Variants in CRB2 observed in about 807,000 individuals in gnomAD.
The protein encoded by CRB2 is protein crumbs homolog 2.
CRB2 carries 85 observed loss-of-function variants against 110.9 expected under a neutral mutation model. The ratio of observed to expected loss-of-function variants is 0.77; its 90% CI spans 0.64 to 0.92. The LOEUF is 0.92. CRB2 is among the 40% of genes least tolerant of loss of function. CRB2 has a pLI of 0.00. For missense variants in CRB2, 1,843 were observed against 1,851.3 expected (o/e 1.00, Z 0.08); for synonymous variants, 907 against 831.0 (o/e 1.09, Z -1.57).
At chr9:123,378,953 A>C (rs2042156261), downstream of CRB2, among the ~76,000 whole-genome samples, 2 of 151,418 alleles carry the variant, frequency 1.3e-5, no homozygotes, top group African/African-American at 4.9e-5. Flanking sequence ...AGCTGGGATT[A>C]CAGGTGCCTG....
At position 123,371,275 on chromosome 9, in the gene CRB2, C is replaced by A; in HGVS notation, c.2133C>A (p.Gly711=). The A allele has an allele frequency of 6.2e-7, 1 of 1,613,848 alleles. No individual in the cohort carries two copies. Among genetic ancestry groups the A allele is most frequent in the Non-Finnish European group, 8.5e-7 (1 of 1,179,964 alleles). Residue 711 remains glycine, a synonymous_variant, in exon 8 of 13, where the codon GGC becomes GGA. Coordinates refer to ENST00000373631, the MANE Select transcript of CRB2 (RefSeq NM_173689.7). ...GTCGGATCCGGGCTGAGGTGCCGGG[C>A]AGTCCTGCTGTAGTGCTCCCTGGGC... ...SEGRIRAEVP[G]SPAVVLPGRW...
At chr9:123,362,784 G>A in intron 1 of CRB2, 81 bp from the exon 2 acceptor site, 1 of 1,394,932 alleles carries the variant, frequency 7.2e-7, no homozygotes, top group Non-Finnish European at 9.7e-7. Context: ...TTTGGGGTCT[G>A]GGGTGGGCCT....
chr9:123,366,699 T>A lies in CRB2; in HGVS notation c.754+333T>A, dbSNP rs954006590. ...CGGGCGCGGTGGCTCAAGCCTGTAA[T>A]CCCAGCACTTTGGGAGGCTGAGGCG... On this transcript the variant is annotated intron_variant, in intron 4 of 12. Transcript: ENST00000373631. 6.2e-4 allele frequency among the ~76,000 whole-genome samples: 94 copies of A among 152,128 alleles called. 2 individuals carry two copies. The highest frequency in any genetic ancestry group is 1.3e-4 in the Non-Finnish European group (9 of 68,012).
chr9:123,373,822 CT>C lies in CRB2; in HGVS notation c.3292del (p.Cys1098ValfsTer43). The C allele has an allele frequency of 6.3e-7, 1 of 1,581,502 alleles. No homozygotes were observed. The highest frequency in any genetic ancestry group is 8.5e-7 in the Non-Finnish European group (1 of 1,171,352). On this transcript the variant is annotated frameshift_variant, in exon 10 of 13. Transcript: ENST00000373631. LOFTEE classifies it high-confidence loss of function. ...GPRCEAHVDP[C>X]HSAPCARGRC... ...CGCGCTGCGAAGCCCACGTCGACCC[CT>C]GTCACTCCGCCCCCTGCGCCCGTGG...
At chr9:123,374,781 C>T (rs947109129) in intron 11 of CRB2, 86 bp downstream of exon 11, 18 of 866,176 alleles carry the variant, frequency 2.1e-5, no homozygotes, top group South Asian at 7.9e-5. Context: ...GGGGTCCTCG[C>T]CCACCTTCTC....
chr9:123,368,922 C>T (rs1442716548), intron 6 of CRB2: 3 of 1,255,514 alleles, frequency 2.4e-6, no homozygotes, highest in Non-Finnish European at 3.1e-6. Context: ...GTGGACCTTC[C>T]TGGGCCACCT....
rs1198607168 is a variant in CRB2, at chr9:123,377,345, C to T, written c.*283C>T. 2.5e-4 allele frequency: 108 copies of T among 425,590 alleles called. 2 individuals carry two copies. Among genetic ancestry groups the T allele is most frequent in the Non-Finnish European group, 4.2e-6 (1 of 237,316 alleles). 26.4% of individuals were successfully genotyped at this position (425,590 alleles called of 1,614,324 possible). On this transcript the variant is annotated 3_prime_UTR_variant, in exon 13 of 13. Transcript: ENST00000373631. The stretch of plus-strand genomic sequence containing the variant: ...GGCACACGTGGGTTCACAGTGTGTT[C>T]AGGAGTGTGTGTATCTGGAGGAGTG...
chr9:123,372,876 G>A (rs2042036316), intron 9 of CRB2, among the ~76,000 whole-genome samples: 1 of 152,248 alleles, frequency 6.6e-6, no homozygotes, highest in Admixed American at 6.5e-5. Context: ...TGCCTGGCTT[G>A]TGACCTGGAG....
chr9:123,372,150 C>A, intron 8 of CRB2, 27 bp from the exon 9 acceptor site: 2 of 1,612,636 alleles, frequency 1.2e-6, no homozygotes, highest in South Asian at 1.1e-5. Context: ...CAGTCCTGAG[C>A]CAACCCCTGC....
rs1228973324 is a variant in CRB2 at position 123,377,730 on chromosome 9, C to G, written c.*668C>G. On this transcript the variant is annotated 3_prime_UTR_variant, in exon 13 of 13. Transcript: ENST00000373631. Reference sequence around the variant, plus strand: ...ATGTCCCTTCAGGCAGGTCTGTCTGCCAGAAGCCAGAGCCAGTCATGCGAG... The same window carrying G: ...ATGTCCCTTCAGGCAGGTCTGTCTGGCAGAAGCCAGAGCCAGTCATGCGAG... 6.6e-6 allele frequency: 1 copy of G among 152,226 alleles called. No individual in the cohort carries two copies. Among genetic ancestry groups the G allele is most frequent in the Non-Finnish European group, 1.5e-5 (1 of 68,054 alleles). The allele number at this position is 152,226 out of a possible 1,614,324, so 9.4% of individuals were successfully genotyped here.
At position 123,363,011 on chromosome 9, in the gene CRB2, C is replaced by G. The variant is rs768655439; in HGVS notation, c.241C>G (p.Leu81Val). Residue 81 changes from leucine (L) to valine (V), a missense_variant, in exon 2 of 13, where the codon CTG becomes GTG. Coordinates refer to ENST00000373631, the MANE Select transcript of CRB2 (RefSeq NM_173689.7). ...CACCCAGCCATGCCACCACGGCGCT[C>G]TGTGTGTGCCCCAGGGTCCAGATCC... ...CATQPCHHGA[L>V]CVPQGPDPTG... The G allele has an allele frequency of 8.1e-6, 13 of 1,612,474 alleles. No homozygotes were observed. Among genetic ancestry groups the G allele is most frequent in the Admixed American group, 1.7e-5 (1 of 59,988 alleles).
intron 2 of CRB2, among the ~76,000 whole-genome samples, chr9:123,364,206 G>C (rs746093875): frequency 3.9e-5 from 6 of 152,146 alleles, no homozygotes; most frequent in Non-Finnish European, 7.3e-5. Context: ...TGCCAGTGCA[G>C]GTCACATTCG....
In CRB2 at chr9:123,372,283, G is replaced by A. The variant is rs753741588; in HGVS notation, c.2543G>A (p.Cys848Tyr). The A allele has an allele frequency of 1.2e-6, 2 of 1,612,998 alleles. No individual in the cohort carries two copies. Among genetic ancestry groups the A allele is most frequent in the African/African-American group, 1.3e-5 (1 of 75,046 alleles). Residue 848 changes from cysteine (C) to tyrosine (Y), a missense_variant, in exon 9 of 13, where the codon TGT becomes TAT. Coordinates refer to ENST00000373631, the MANE Select transcript of CRB2 (RefSeq NM_173689.7). ...CCTACGTGTGCCCAGCAGCTGTGGT[G>A]TCCCGGCCAGCCCTGTCTCCCACCT... ...TGPTCAQQLW[C>Y]PGQPCLPPAT... is the part of the protein sequence containing the mutation.
At chr9:123,372,415 T>C in intron 9 of CRB2, 73 bp downstream of exon 9, 1 of 1,510,092 alleles carries the variant, frequency 6.6e-7, no homozygotes, top group East Asian at 2.3e-5. Context: ...ATCTGCACTC[T>C]CAGGGCTTGT....
chr9:123,364,839 AG>A (rs2041911519), intron 2 of CRB2, among the ~76,000 whole-genome samples: 1 of 152,136 alleles, frequency 6.6e-6, no homozygotes, highest in South Asian at 2.1e-4. Context: ...CAGGACTGCG[AG>A]GGTTCTGGGG....
At position 123,373,361 on chromosome 9, in the gene CRB2, C is replaced by G. The variant is rs2132790243; in HGVS notation, c.2830C>G (p.Leu944Val). 7.0e-7 allele frequency: 1 copy of G among 1,434,190 alleles called. No individual in the cohort carries two copies. Among genetic ancestry groups the G allele is most frequent in the East Asian group, 3.1e-5 (1 of 32,454 alleles). 88.8% of individuals were successfully genotyped at this position (1,434,190 alleles called of 1,614,324 possible). A position where few individuals can be genotyped will look rare whatever the true frequency, so the allele number is the denominator to read the frequency against. ...AGGCCATGGCCTGCCCGGCGCTGTGCTGCCCATACCGGGGCCGCGCGTGGC... is the reference window on the plus strand; with the variant it reads ...AGGCCATGGCCTGCCCGGCGCTGTGGTGCCCATACCGGGGCCGCGCGTGGC... Reference protein sequence around the residue: ...RGGHGLPGAVLPIPGPRVADG... With the variant: ...RGGHGLPGAVVPIPGPRVADG... The change falls in exon 10 of 13, where the codon CTG becomes GTG. Residue 944 changes from leucine (L) to valine (V), a missense_variant. Physicochemically the swap from Leu to Val is conservative, Grantham distance 32. Transcript: ENST00000373631.
intron 6 of CRB2, chr9:123,368,946 G>A: frequency 1.6e-6 from 2 of 1,236,878 alleles, no homozygotes; most frequent in Non-Finnish European, 1.0e-6. Flanking sequence ...GCTCCTGGCA[G>A]GTATGGAGGA....
intron 6 of CRB2, chr9:123,368,690 G>A: frequency 1.1e-6 from 1 of 886,724 alleles, no homozygotes; most frequent in South Asian, 2.7e-5. Flanking sequence ...CAGAGCCAGG[G>A]AGGGGGGACC....
downstream of CRB2, chr9:123,379,711 AAAGT>A (rs2042180694): frequency 6.6e-6 from 1 of 152,260 alleles, no homozygotes; most frequent in South Asian, 2.1e-4. Context: ...GGGTTTGCAA[AAAGT>A]CCCACAAGTG....
Sources: allele counts gnomAD v4.1 joint callset (sites outside exome capture counted in the v4.1 genomes callset), GRCh38; gene constraint gnomAD v4.1.1; transcripts MANE v1.5; gene names NCBI Gene and HGNC (gene_info 2026-07-23, HGNC 2026-07-21).